The following LTBP3 variants were observed in gnomAD, a reference collection of about 807,000 sequenced individuals.
LTBP3 encodes the protein latent transforming growth factor beta binding protein 3.
In LTBP3, 97 loss-of-function variants were observed where a neutral mutation model predicts 159.7. The ratio of observed to expected loss-of-function variants is 0.61; its 90% CI spans 0.52 to 0.72. The LOEUF is 0.72. LTBP3 is among the 30% of genes least tolerant of loss of function. LTBP3 has a pLI of 0.00. For synonymous variants in LTBP3, 824 were observed against 777.1 expected, an observed-to-expected ratio of 1.06 and a Z score of -1.00; for missense variants, 1,584 against 1,864.3, an observed-to-expected ratio of 0.85 and a Z score of 2.77.
At chr11:65,548,104 C>T (rs1590775338) in intron 11 of LTBP3, 59 bp from the exon 12 acceptor site, 1 of 1,610,742 alleles carries the variant, frequency 6.2e-7, no homozygotes, top group Non-Finnish European at 8.5e-7. Context: ...TGCCATATCC[C>T]CAGGGCAGAC....
At chr11:65,541,523 C>T in intron 19 of LTBP3, 77 bp downstream of exon 19, 4 of 1,607,678 alleles carry the variant, frequency 2.5e-6, no homozygotes, top group Non-Finnish European at 3.4e-6. Flanking sequence ...GAGGGTGGGG[C>T]CAGGACACAT....
rs1856879084 is a variant in LTBP3 at position 65,558,119 on chromosome 11, G to C, written c.-160C>G. ...GGAGGGGACCGCGGGGGCCCGGCGG[G>C]AGGCGCGGAGATGCAGACTGGACAG... On this transcript the variant is annotated 5_prime_UTR_variant, in exon 1 of 28. Coordinates refer to ENST00000301873, the MANE Select transcript of LTBP3 (RefSeq NM_001130144.3). 2.8e-6 allele frequency: 3 copies of C among 1,081,036 alleles called. No individual in the cohort carries two copies. In the South Asian group the frequency reaches 1.3e-4, roughly 49 times the overall value. 67.0% of individuals were successfully genotyped at this position (1,081,036 alleles called of 1,614,324 possible). A position where few individuals can be genotyped will look rare whatever the true frequency, so the allele number is the denominator to read the frequency against.
chr11:65,547,832 C>G lies in LTBP3; in HGVS notation c.1847-11G>C. ...CGCACTCGTTCACATCTGAGAAGAACGGGTAGGCCAAGAAAAGTCAAAGGA... is the reference window on the plus strand; with the variant it reads ...CGCACTCGTTCACATCTGAGAAGAAGGGGTAGGCCAAGAAAAGTCAAAGGA... On this transcript the variant is annotated splice_polypyrimidine_tract_variant and intron_variant, in intron 12 of 27. Coordinates refer to ENST00000301873, the MANE Select transcript of LTBP3 (RefSeq NM_001130144.3). The surrounding 1 kb of genome is among the most constrained non-coding windows in gnomAD (Gnocchi z 4.6). The G allele has an allele frequency of 4.3e-6, 7 of 1,613,232 alleles. No homozygotes were observed. The highest frequency in any genetic ancestry group is 4.5e-5 in the East Asian group (2 of 44,868).
chr11:65,543,248 G>C, intron 17 of LTBP3, 24 bp from the exon 18 acceptor site: 2 of 1,613,962 alleles, frequency 1.2e-6, no homozygotes, highest in Non-Finnish European at 1.7e-6. Context: ...AAGGGGTGGA[G>C]AATCTCAGGG....
Position 65,551,488 on chromosome 11 carries a change from C to A in LTBP3, c.1549-14G>T, listed in dbSNP as rs764229613. ...CTCACTCACCGGCTGCGGGTGACAG[C>A]AGCATGAGCCCTCCTGTCCCTCGCC... On this transcript the variant is annotated splice_polypyrimidine_tract_variant and intron_variant, in intron 9 of 27. Transcript: ENST00000301873. 1.9e-6 allele frequency: 3 copies of A among 1,614,072 alleles called. No homozygotes were observed. In the South Asian group the frequency reaches 3.3e-5, roughly 18 times the overall value.
At chr11:65,545,250 C>T (rs1856315203) in intron 16 of LTBP3, 1 of 194,672 alleles carries the variant, frequency 5.1e-6, no homozygotes, top group East Asian at 8.0e-5. Flanking sequence ...CGCAGCCTGC[C>T]CCTGAACTGT....
chr11:65,558,301 G>T lies in LTBP3; in HGVS notation c.-342C>A. On this transcript the variant is annotated 5_prime_UTR_variant, in exon 1 of 28. Transcript: ENST00000301873. The stretch of plus-strand genomic sequence containing the variant: ...CCGCTCCGCGCCTCCCCCTGGCCGG[G>T]CTCCTCTCCCGCGGCCGCGGGGAGG... The T allele has an allele frequency of 6.6e-6, 5 of 761,442 alleles. No homozygotes were observed. Among genetic ancestry groups the T allele is most frequent in the Non-Finnish European group, 8.2e-6 (5 of 609,506 alleles). 47.2% of individuals were successfully genotyped at this position (761,442 alleles called of 1,614,324 possible). A position where few individuals can be genotyped will look rare whatever the true frequency, so the allele number is the denominator to read the frequency against.
intron 21 of LTBP3, 78 bp from the exon 22 acceptor site, chr11:65,540,692 G>GA: frequency 1.2e-6 from 2 of 1,600,468 alleles, no homozygotes; most frequent in Non-Finnish European, 1.7e-6. Flanking sequence ...CCACCGGAGC[G>GA]AAGCCATCCC....
In LTBP3 at chr11:65,546,153, G is replaced by A. The variant is rs1856356657; in HGVS notation, c.2353+289C>T. On this transcript the variant is annotated intron_variant, in intron 16 of 27. Transcript: ENST00000301873. This position sits in a 1 kb window ranked among gnomAD's most constrained non-coding sequence, Gnocchi z 4.0. Reference sequence around the variant, plus strand: ...GCCTCTTGGCGTATAATAAACAGGAGTGCAGGGGGGAGTACTATCGTCTGC... The same window carrying A: ...GCCTCTTGGCGTATAATAAACAGGAATGCAGGGGGGAGTACTATCGTCTGC... 12 of 460,628 alleles carry A rather than the reference G, an allele frequency of 2.6e-5. No individual in the cohort carries two copies. The South Asian group carries it at 3.0e-4, about 12-fold the overall frequency. 28.5% of individuals were successfully genotyped at this position (460,628 alleles called of 1,614,324 possible).
chr11:65,546,155 GC>G lies in LTBP3; in HGVS notation c.2353+286del. ...CTCTTGGCGTATAATAAACAGGAGT[GC>G]AGGGGGGAGTACTATCGTCTGCCCT... On this transcript the variant is annotated intron_variant, in intron 16 of 27. Coordinates refer to ENST00000301873, the MANE Select transcript of LTBP3 (RefSeq NM_001130144.3). The surrounding 1 kb of genome is among the most constrained non-coding windows in gnomAD (Gnocchi z 4.0). 1 of 464,070 alleles carries G rather than the reference GC, an allele frequency of 2.2e-6. No individual in the cohort carries two copies. Among genetic ancestry groups the G allele is most frequent in the Non-Finnish European group, 3.9e-6 (1 of 259,358 alleles). The allele number at this position is 464,070 out of a possible 1,614,324, so 28.7% of individuals were successfully genotyped here. A position where few individuals can be genotyped will look rare whatever the true frequency, so the allele number is the denominator to read the frequency against.
chr11:65,543,013 G>GTGGA (rs1253496244), intron 18 of LTBP3, 92 bp downstream of exon 18: 9 of 1,523,504 alleles, frequency 5.9e-6, no homozygotes, highest in South Asian at 2.3e-5. Flanking sequence ...GGTTGGATGG[G>GTGGA]TGGATGGATG....
intron 1 of LTBP3, 47 bp downstream of exon 1, chr11:65,557,582 C>T: frequency 6.2e-7 from 1 of 1,602,276 alleles, no homozygotes; most frequent in South Asian, 1.1e-5. Context: ...CCCACCGGGC[C>T]TGGTGCCTGT....
chr11:65,551,637 A>C (rs1442369724), intron 8 of LTBP3, 73 bp from the exon 9 acceptor site: 1 of 1,582,340 alleles, frequency 6.3e-7, no homozygotes, highest in African/African-American at 1.3e-5. Context: ...TCAGCAGCTG[A>C]GTATTTGCAG....
Position 65,547,542 on chromosome 11 carries a change from G to C in LTBP3, c.2004C>G (p.His668Gln), listed in dbSNP as rs756791055. Residue 668 changes from histidine (H) to glutamine (Q), a missense_variant, in exon 14 of 28, where the codon CAC becomes CAG. By Grantham distance (24) the His-to-Gln change is conservative. Transcript: ENST00000301873. This position sits in a 1 kb window ranked among gnomAD's most constrained non-coding sequence, Gnocchi z 4.6. ...CVDLNECAKP[H>Q]LCGDGGFCIN... ...TGCAGAAGCCGCCGTCGCCGCACAGGTGGGGCTTGGCGCATTCGTTCAGGT... is the reference window on the plus strand; with the variant it reads ...TGCAGAAGCCGCCGTCGCCGCACAGCTGGGGCTTGGCGCATTCGTTCAGGT... 8.1e-6 allele frequency: 13 copies of C among 1,614,044 alleles called. No individual in the cohort carries two copies. In the Admixed American group the frequency reaches 1.7e-4, roughly 21 times the overall value.
Position 65,558,100 on chromosome 11 carries a change from G to T in LTBP3, c.-141C>A. On this transcript the variant is annotated 5_prime_UTR_variant, in exon 1 of 28. Coordinates refer to ENST00000301873, the MANE Select transcript of LTBP3 (RefSeq NM_001130144.3). ...GCAGCGGGGGAAGCGGGCGGGAGGG[G>T]ACCGCGGGGGCCCGGCGGGAGGCGC... 9.7e-7 allele frequency: 1 copy of T among 1,028,374 alleles called. No individual in the cohort carries two copies. The highest frequency in any genetic ancestry group is 4.7e-5 in the South Asian group (1 of 21,220). 63.7% of individuals were successfully genotyped at this position (1,028,374 alleles called of 1,614,324 possible). A position where few individuals can be genotyped will look rare whatever the true frequency, so the allele number is the denominator to read the frequency against.
chr11:65,551,103 T>A (rs1397666487), intron 11 of LTBP3, 23 bp downstream of exon 11: 2 of 1,544,814 alleles, frequency 1.3e-6, no homozygotes, highest in South Asian at 2.4e-5. Flanking sequence ...TAGGCAGGGG[T>A]GGCTTTGCTG....
In LTBP3 at chr11:65,553,980, ACCTGC is replaced by A. The variant is rs1472468105; in HGVS notation, c.661+66_661+70del. 1 of 1,569,470 alleles carries A rather than the reference ACCTGC, an allele frequency of 6.4e-7. No homozygotes were observed. Reference sequence around the variant, plus strand: ...CCGCGCTGAGCTCCTCCAGGGCTGAACCTGCCCTGCCCTGGCCACCCTAGTGCCCA... The same window carrying A: ...CCGCGCTGAGCTCCTCCAGGGCTGAACCTGCCCTGGCCACCCTAGTGCCCA... On this transcript the variant is annotated intron_variant, in intron 2 of 27. Transcript: ENST00000301873. The surrounding 1 kb of genome is among the most constrained non-coding windows in gnomAD (Gnocchi z 6.5).
In LTBP3 at chr11:65,540,306, G is replaced by C. The variant is rs771961734; in HGVS notation, c.3183C>G (p.Ala1061=). 3.2e-6 allele frequency: 5 copies of C among 1,566,836 alleles called. No homozygotes were observed. The highest frequency in any genetic ancestry group is 4.3e-6 in the Non-Finnish European group (5 of 1,156,190). Residue 1061 remains alanine (A), a synonymous_variant, in exon 23 of 28, where the codon GCC becomes GCG. Transcript: ENST00000301873. ...GACTGTACTCGGCAGGGGGCGTGCA[G>C]GCACAGCGGTAGCCGCCGCGCGTGT... ...CENTRGGYRC[A]CTPPAEYSPA... is the part of the protein sequence containing the mutation.
Position 65,543,486 on chromosome 11 carries a change from G to A in LTBP3, c.2417C>T (p.Ser806Phe), listed in dbSNP as rs937223382. The A allele has an allele frequency of 2.5e-6, 4 of 1,613,992 alleles. No homozygotes were observed. In the Admixed American group the frequency reaches 5.0e-5, roughly 20 times the overall value. ...DNGICSNTPG[S>F]FQCQCLSGYH... Reference sequence around the variant, plus strand: ...GCCAGAGAGGCACTGACACTGGAAAGATCCTGGCGTGTTGCTGCAGATGCC... The same window carrying A: ...GCCAGAGAGGCACTGACACTGGAAAAATCCTGGCGTGTTGCTGCAGATGCC... The change falls in exon 17 of 28, where the codon TCT becomes TTT. Residue 806 changes from serine (S) to phenylalanine (F), a missense_variant. This residue lies in a region of LTBP3 where 565 missense variants were observed against 677.7 expected (regional missense o/e 0.83). Coordinates refer to ENST00000301873, the MANE Select transcript of LTBP3 (RefSeq NM_001130144.3).
Sources: gnomAD v4.1 joint callset for allele counts on GRCh38, gnomAD v4.1.1 for gene constraint, gnomAD v4.1.1 regional missense constraint, Gnocchi (gnomAD v3.1) non-coding constraint, MANE v1.5 for transcripts, NCBI Gene and HGNC (gene_info 2026-07-23, HGNC 2026-07-21) for gene names.